CTNNA3: variants seen among roughly 807,000 people sequenced by gnomAD.
The protein encoded by CTNNA3 is catenin alpha 3.
CTNNA3 carries 76 observed loss-of-function variants against 95.7 expected under a neutral mutation model. The observed-to-expected ratio is 0.79, with a 90% CI of 0.66 to 0.96. The LOEUF (loss-of-function observed/expected upper bound fraction) is 0.96. Ranked by LOEUF, CTNNA3 falls within the 40% of genes least tolerant of loss-of-function variation. The pLI, the probability that CTNNA3 is intolerant of heterozygous loss-of-function variation, is 0.00. For missense variants in CTNNA3, 1,191 were observed against 1,089.8 expected (o/e 1.09, Z -1.31); for synonymous variants, 431 against 374.4 (o/e 1.15, Z -1.74).
chr10:67,066,626 C>T (rs79909191), intron 7 of CTNNA3, among the ~76,000 whole-genome samples: 1,579 of 131,266 alleles, frequency 0.012, 29 homozygotes, highest in African/African-American at 0.045. Flanking sequence ...TACACTGAAA[C>T]CCCACATCAC....
chr10:66,210,133 G>A (rs2088043623), intron 13 of CTNNA3, among the ~76,000 whole-genome samples: 1 of 151,822 alleles, frequency 6.6e-6, no homozygotes, highest in African/African-American at 2.4e-5. Flanking sequence ...TAACAATATT[G>A]CACAAACCAG....
chr10:67,726,622 T>TATAATAC, intron 1 of CTNNA3, among the ~76,000 whole-genome samples: 1 of 61,114 alleles, frequency 1.6e-5, no homozygotes, highest in African/African-American at 7.5e-5. Flanking sequence ...ATATATAATA[T>TATAATAC]ATATTATATT....
chr10:66,365,974 G>A (rs190265255), intron 12 of CTNNA3, among the ~76,000 whole-genome samples: 3 of 152,230 alleles, frequency 2.0e-5, no homozygotes, highest in African/African-American at 4.8e-5. Flanking sequence ...AACCTCACAG[G>A]AGACCCTGAC....
rs571663184 is a variant in CTNNA3, at chr10:66,480,268, A to T, written c.1531+40349T>A. On this transcript the variant is annotated intron_variant, in intron 11 of 17. Transcript: ENST00000433211. ...AAACTATAATTCTGGAGGTGGCAAG[A>T]TAGAACAGTATGTTCCTAACTATGA... 2.6e-4 allele frequency among the ~76,000 whole-genome samples: 40 copies of T among 152,294 alleles called. No homozygotes were observed. In the South Asian group the frequency reaches 3.5e-3, roughly 13 times the overall value.
intron 5 of CTNNA3, among the ~76,000 whole-genome samples, chr10:67,405,318 T>C (rs180839904): frequency 1.2e-4 from 19 of 152,058 alleles, no homozygotes; most frequent in African/African-American, 4.1e-4. Context: ...CGCAAAAACA[T>C]ACACAGGCTA....
intron 7 of CTNNA3, among the ~76,000 whole-genome samples, chr10:66,955,654 A>G (rs1848750784): frequency 6.6e-6 from 1 of 152,158 alleles, no homozygotes; most frequent in Non-Finnish European, 1.5e-5. Flanking sequence ...ACTTCTGGGA[A>G]TTAGAATTTA....
chr10:66,100,453 G>A (rs1262812359), intron 14 of CTNNA3, among the ~76,000 whole-genome samples: 1 of 152,162 alleles, frequency 6.6e-6, no homozygotes, highest in Non-Finnish European at 1.5e-5. Context: ...GCAGAGAGTA[G>A]CCAGGTTGAA....
intron 9 of CTNNA3, among the ~76,000 whole-genome samples, chr10:66,668,981 G>A (rs2132465918): frequency 6.6e-6 from 1 of 152,066 alleles, no homozygotes; most frequent in East Asian, 1.9e-4. Flanking sequence ...CTATTTGATG[G>A]TGGTATATTT....
chr10:66,453,004 AG>A (rs1188422530), intron 11 of CTNNA3, among the ~76,000 whole-genome samples: 1 of 152,074 alleles, frequency 6.6e-6, no homozygotes, highest in Non-Finnish European at 1.5e-5. Context: ...TCACGGGTTC[AG>A]GAGATTGAGA....
chr10:67,762,767 G>A (rs988881203), intron 1 of CTNNA3, among the ~76,000 whole-genome samples: 13 of 152,214 alleles, frequency 8.5e-5, no homozygotes, highest in Non-Finnish European at 1.8e-4. Context: ...GGCCCTGGTA[G>A]TTAAAGATCG....
intron 12 of CTNNA3, among the ~76,000 whole-genome samples, chr10:66,373,215 C>CT: frequency 6.6e-6 from 1 of 152,184 alleles, no homozygotes; most frequent in South Asian, 2.1e-4. Context: ...ATAGCATTTT[C>CT]TTTTTTCTGA....
chr10:66,772,696 T>G (rs763910684), intron 8 of CTNNA3, among the ~76,000 whole-genome samples: 3 of 152,196 alleles, frequency 2.0e-5, no homozygotes, highest in Non-Finnish European at 4.4e-5. Context: ...CTTGATGTCC[T>G]CAAATCTATA....
chr10:66,777,762 T>TAC (rs372712619), intron 7 of CTNNA3, among the ~76,000 whole-genome samples: 37,934 of 136,608 alleles, frequency 0.28, 4,991 homozygotes, highest in Middle Eastern at 0.33. Flanking sequence ...AGAGACCTCC[T>TAC]ACACACACAC....
chr10:66,535,158 G>A (rs756657352), intron 10 of CTNNA3, among the ~76,000 whole-genome samples: 3 of 151,500 alleles, frequency 2.0e-5, no homozygotes, highest in Non-Finnish European at 4.4e-5. Flanking sequence ...CTTCTTAAGG[G>A]GGAAAAAAAA....
intron 7 of CTNNA3, among the ~76,000 whole-genome samples, chr10:66,877,457 G>T (rs192426661): frequency 1.3e-5 from 2 of 152,118 alleles, no homozygotes; most frequent in Non-Finnish European, 2.9e-5. Flanking sequence ...TGGCTCCAGC[G>T]TCTCTTTCAC....
intron 11 of CTNNA3, among the ~76,000 whole-genome samples, chr10:66,484,734 C>T (rs1365620997): frequency 6.6e-6 from 1 of 151,928 alleles, no homozygotes; most frequent in East Asian, 1.9e-4. Flanking sequence ...TTTTACAAGG[C>T]TAGCATTACC....
intron 1 of CTNNA3, among the ~76,000 whole-genome samples, chr10:67,725,015 A>AC (rs1308344550): frequency 2.6e-5 from 4 of 152,010 alleles, no homozygotes; most frequent in Non-Finnish European, 4.4e-5. Context: ...AAATTTTTAT[A>AC]ATTTATAAAA....
intron 4 of CTNNA3, among the ~76,000 whole-genome samples, chr10:67,531,521 G>C (rs970320330): frequency 2.6e-5 from 4 of 152,206 alleles, no homozygotes; most frequent in Non-Finnish European, 4.4e-5. Flanking sequence ...ATTTGTAACA[G>C]CTGTATTTAC....
chr10:66,771,019 G>A (rs979250891), intron 8 of CTNNA3, among the ~76,000 whole-genome samples: 1 of 152,056 alleles, frequency 6.6e-6, no homozygotes, highest in African/African-American at 2.4e-5. Flanking sequence ...GATACATAAT[G>A]TTATTTGATG....
Sources: gnomAD v4.1 joint callset for allele counts (sites outside exome capture counted in the v4.1 genomes callset) on GRCh38, gnomAD v4.1.1 for gene constraint, MANE v1.5 for transcripts, NCBI Gene and HGNC (gene_info 2026-07-23, HGNC 2026-07-21) for gene names.